NINL: variants seen among roughly 807,000 people sequenced by gnomAD.
The protein encoded by NINL is ninein-like protein.
In NINL, 153 loss-of-function variants were observed where a neutral mutation model predicts 160.3. The ratio of observed to expected loss-of-function variants is 0.95; its 90% CI spans 0.84 to 1.09. The LOEUF (loss-of-function observed/expected upper bound fraction) is 1.09, where lower values mean the gene tolerates loss of function less well. Ranked by LOEUF, NINL falls within the 50% of genes least tolerant of loss-of-function variation. NINL has a pLI of 0.00. For synonymous variants in NINL, 800 were observed against 734.8 expected (o/e 1.09, Z -1.43); for missense variants, 1,829 against 1,764.0 (o/e 1.04, Z -0.66).
chr20:25,570,372 G>C (rs1438980261), intron 1 of NINL, among the ~76,000 whole-genome samples: 1 of 152,130 alleles, frequency 6.6e-6, no homozygotes, highest in African/African-American at 2.4e-5. Flanking sequence ...CTGTTGTCAG[G>C]ATAGTGAGTT....
chr20:25,568,232 C>CAAA (rs11483743), intron 1 of NINL, among the ~76,000 whole-genome samples: 1 of 143,832 alleles, frequency 7.0e-6, no homozygotes, highest in Non-Finnish European at 1.5e-5. Flanking sequence ...TGTCAGATCT[C>CAAA]AAAAAAAAAA....
intron 16 of NINL, 101 bp from the exon 17 acceptor site, chr20:25,477,190 C>A: frequency 8.8e-7 from 1 of 1,137,700 alleles, no homozygotes; most frequent in South Asian, 1.6e-5. Context: ...GACCTCCTCT[C>A]TGTGGTTGGC....
At chr20:25,581,933 T>C (rs918092299) in intron 1 of NINL, among the ~76,000 whole-genome samples, 3 of 152,208 alleles carry the variant, frequency 2.0e-5, no homozygotes, top group African/African-American at 4.8e-5. Context: ...AAAGTTTCCA[T>C]TGAAGTTAAT....
chr20:25,547,272 G>A (rs985700543), intron 1 of NINL, among the ~76,000 whole-genome samples: 3 of 152,118 alleles, frequency 2.0e-5, no homozygotes, highest in African/African-American at 7.2e-5. Flanking sequence ...CAGGGTGGGC[G>A]GGGCTGCAGC....
chr20:25,476,048 G>C lies in NINL; in HGVS notation c.3243C>G (p.Asn1081Lys), dbSNP rs144098143. The change falls in exon 17 of 24, where the codon AAC becomes AAG. Residue 1081 changes from asparagine to lysine, a missense_variant. By Grantham distance (94) the Asn-to-Lys change is moderately conservative. Transcript: ENST00000278886. ...AGAATGAGTAGAAGGCAAACCTGTC[G>C]TTCTCTCTCAAATCTACATGTTTCT... ...ALEKHVDLRE[N>K]DRLEFHRLSE... The C allele has an allele frequency of 3.4e-5, 55 of 1,612,758 alleles. No individual in the cohort carries two copies. In the African/African-American group the frequency reaches 5.1e-4, roughly 15 times the overall value.
chr20:25,569,565 G>A (rs1209822582), intron 1 of NINL, among the ~76,000 whole-genome samples: 1 of 152,226 alleles, frequency 6.6e-6, no homozygotes, highest in Non-Finnish European at 1.5e-5. Flanking sequence ...TGGAGGGCAA[G>A]ACAGCGATGA....
At chr20:25,517,197 G>A (rs1218288419) in intron 3 of NINL, among the ~76,000 whole-genome samples, 1 of 152,038 alleles carries the variant, frequency 6.6e-6, no homozygotes, top group African/African-American at 2.4e-5. Context: ...TGTGAGACAC[G>A]AGGGAAGTGC....
At position 25,526,505 on chromosome 20, in the gene NINL, T is replaced by C; in HGVS notation, c.83A>G (p.Asp28Gly). 1.2e-6 allele frequency: 2 copies of C among 1,614,184 alleles called. No homozygotes were observed. Among genetic ancestry groups the C allele is most frequent in the Non-Finnish European group, 1.7e-6 (2 of 1,180,026 alleles). The change falls in exon 2 of 24, where the codon GAC (aspartate) becomes GGC (glycine). Residue 28 changes from aspartate (D) to glycine (G), a missense_variant. Physicochemically the swap from Asp to Gly is moderately conservative, Grantham distance 94. Transcript: ENST00000278886. ...GCAGAGCTGGGTCAGCTCCTGGCGG[T>C]CCAGAAAGCCAGTCCCCGTGGTGTC... ...SCDTTGTGFLDRQELTQLCLK... is the reference protein window; with the variant it reads ...SCDTTGTGFLGRQELTQLCLK...
In NINL at chr20:25,511,100, T is replaced by G. The variant is rs73335366; in HGVS notation, c.451-360A>C. ...TGTCCCCCTCTGCATGGTGATGGCT[T>G]CAGACCCAGCACTTGAAAGAAGCCA... On this transcript the variant is annotated intron_variant, in intron 4 of 23. Coordinates refer to ENST00000278886, the MANE Select transcript of NINL (RefSeq NM_025176.6). Among the ~76,000 whole-genome samples the G allele has an allele frequency of 6.5e-3, 993 of 152,244 alleles. 16 individuals carry two copies. The highest frequency in any genetic ancestry group is 0.023 in the African/African-American group (951 of 41,514).
rs34624874 is a variant in NINL, at chr20:25,545,475, G to GCC, written c.-11-18879_-11-18878dup. 8.8e-3 allele frequency among the ~76,000 whole-genome samples: 1,329 copies of GCC among 150,958 alleles called. 6 individuals are homozygous for GCC. Among genetic ancestry groups the GCC allele is most frequent in the South Asian group, 0.012 (55 of 4,692 alleles). On this transcript the variant is annotated intron_variant, in intron 1 of 23. Coordinates refer to ENST00000278886, the MANE Select transcript of NINL (RefSeq NM_025176.6). ...GTGTAAACCAAAAATAAAATTCTGA[G>GCC]CCCCCCCCCATTATCTGAATGGTGC... is the stretch of plus-strand genomic sequence containing the variant.
intron 1 of NINL, among the ~76,000 whole-genome samples, chr20:25,527,740 G>C (rs1399125836): frequency 6.6e-6 from 1 of 152,160 alleles, no homozygotes; most frequent in Non-Finnish European, 1.5e-5. Flanking sequence ...GATGCCTCTT[G>C]TAAGCAAGGG....
chr20:25,554,004 T>C (rs760660101), intron 1 of NINL, among the ~76,000 whole-genome samples: 1 of 152,238 alleles, frequency 6.6e-6, no homozygotes, highest in Non-Finnish European at 1.5e-5. Context: ...CAGCTATGGC[T>C]GGACCTGGCA....
At chr20:25,571,405 C>G (rs1005805029) in intron 1 of NINL, among the ~76,000 whole-genome samples, 1 of 152,152 alleles carries the variant, frequency 6.6e-6, no homozygotes, top group Admixed American at 6.5e-5. Flanking sequence ...CAGCACTCCT[C>G]GAAGGAGCCT....
chr20:25,467,249 G>A, intron 19 of NINL, 140 bp downstream of exon 19: 1 of 749,038 alleles, frequency 1.3e-6, no homozygotes, highest in Non-Finnish European at 2.3e-6. Context: ...CTTTGATGGG[G>A]CCTGGGGGCC....
At chr20:25,496,511 C>T in intron 10 of NINL, 152 bp downstream of exon 10, 2 of 907,498 alleles carry the variant, frequency 2.2e-6, no homozygotes, top group Admixed American at 2.5e-5. Flanking sequence ...AAGGCTGTGC[C>T]CCCTGGATTC....
chr20:25,541,235 C>T (rs540528988), intron 1 of NINL, among the ~76,000 whole-genome samples: 1 of 152,324 alleles, frequency 6.6e-6, no homozygotes, highest in South Asian at 2.1e-4. Context: ...ACTTCACCTC[C>T]CTGAACCTCA....
chr20:25,461,328 G>A (rs947695751), intron 21 of NINL, among the ~76,000 whole-genome samples, 194 bp downstream of exon 21: 1 of 152,216 alleles, frequency 6.6e-6, no homozygotes, highest in Non-Finnish European at 1.5e-5. Flanking sequence ...CTCTTCACGG[G>A]GCTTGCTGAC....
Position 25,522,926 on chromosome 20 carries a change from A to G in NINL, c.180+3482T>C, listed in dbSNP as rs151002832. Reference sequence around the variant, plus strand: ...AGGCTGCAATGTGTGATCTAGAGGTACTTTCAACTTCAAATTACAATTGTC... The same window carrying G: ...AGGCTGCAATGTGTGATCTAGAGGTGCTTTCAACTTCAAATTACAATTGTC... On this transcript the variant is annotated intron_variant, in intron 2 of 23. Coordinates refer to ENST00000278886, the MANE Select transcript of NINL (RefSeq NM_025176.6). Among the ~76,000 whole-genome samples the G allele has an allele frequency of 2.6e-3, 399 of 152,332 alleles. 3 individuals are homozygous for G. The highest frequency in any genetic ancestry group is 9.2e-3 in the African/African-American group (382 of 41,564).
chr20:25,470,726 G>A (rs958418124), intron 17 of NINL, among the ~76,000 whole-genome samples: 27 of 152,144 alleles, frequency 1.8e-4, no homozygotes, highest in African/African-American at 6.3e-4. Flanking sequence ...CAGGAGTGGC[G>A]GCATGCATCT....
Sources: gnomAD v4.1 joint callset for allele counts (sites outside exome capture counted in the v4.1 genomes callset) on GRCh38, gnomAD v4.1.1 for gene constraint, MANE v1.5 for transcripts, NCBI Gene and HGNC (gene_info 2026-07-23, HGNC 2026-07-21) for gene names.